The following ANKS1A variants were observed in gnomAD, a reference collection of about 807,000 sequenced individuals.
ANKS1A encodes the protein ankyrin repeat and SAM domain-containing protein 1A.
Under a neutral mutation model 120.3 loss-of-function variants are expected in ANKS1A, and 55 were observed. The observed-to-expected ratio is 0.46, with a 90% CI of 0.37 to 0.57. ANKS1A has a LOEUF of 0.57. Among genes scored for constraint, ANKS1A ranks in the 20% least tolerant of loss-of-function variants. The probability of loss-of-function intolerance (pLI) is 0.00; values close to 1 mark genes in which losing one functional copy is unlikely to be tolerated. For missense variants in ANKS1A, 1,123 were observed against 1,480.3 expected (o/e 0.76, Z 3.96); for synonymous variants, 590 against 604.7 (o/e 0.98, Z 0.36).
chr6:34,911,989 G>C (rs1041663741), intron 1 of ANKS1A, among the ~76,000 whole-genome samples: 1 of 151,936 alleles, frequency 6.6e-6, no homozygotes, highest in Non-Finnish European at 1.5e-5. Flanking sequence ...TAATACTTTC[G>C]CAATAACACA....
At chr6:35,006,622 A>G (rs749513225) in intron 10 of ANKS1A, among the ~76,000 whole-genome samples, 6 of 151,842 alleles carry the variant, frequency 4.0e-5, no homozygotes, top group Non-Finnish European at 8.8e-5. Context: ...GGGCATGGTA[A>G]TGGGCACCTG....
chr6:34,993,413 G>C (rs541294025), intron 9 of ANKS1A, among the ~76,000 whole-genome samples: 1 of 152,332 alleles, frequency 6.6e-6, no homozygotes, highest in South Asian at 2.1e-4. Context: ...GTAGGAGCCA[G>C]CTCTGGTTCC....
At chr6:35,020,743 G>T (rs1373844764) in intron 11 of ANKS1A, among the ~76,000 whole-genome samples, 1 of 152,186 alleles carries the variant, frequency 6.6e-6, no homozygotes, top group African/African-American at 2.4e-5. Flanking sequence ...GGCTGTGTGG[G>T]CTCGTAAGCC....
chr6:34,902,990 A>T (rs1304713811), intron 1 of ANKS1A, among the ~76,000 whole-genome samples: 1 of 152,096 alleles, frequency 6.6e-6, no homozygotes, highest in Non-Finnish European at 1.5e-5. Flanking sequence ...TTCTCATTCA[A>T]TTGGCAGATA....
In ANKS1A at chr6:35,086,094, C is replaced by T. The variant is rs988048555; in HGVS notation, c.3303+158C>T. Among the ~76,000 whole-genome samples the T allele has an allele frequency of 5.9e-5, 9 of 152,128 alleles. No individual in the cohort carries two copies. The highest frequency in any genetic ancestry group is 1.3e-4 in the Non-Finnish European group (9 of 68,022). ...TGTCCCCCAACCCTGCCAGGTCTCG[C>T]CCCTGGAAAGGCAGCAGCTCCTCTG... On this transcript the variant is annotated intron_variant, in intron 22 of 23. Transcript: ENST00000360359. The surrounding 1 kb of genome is among the most constrained non-coding windows in gnomAD (Gnocchi z 5.1).
At chr6:34,994,716 T>C (rs897481867) in intron 10 of ANKS1A, among the ~76,000 whole-genome samples, 1 of 152,184 alleles carries the variant, frequency 6.6e-6, no homozygotes, top group African/African-American at 2.4e-5. Flanking sequence ...AGAGATTGAT[T>C]TGGGGTCTCA....
intron 1 of ANKS1A, among the ~76,000 whole-genome samples, chr6:34,950,556 A>G (rs996719265): frequency 2.0e-5 from 3 of 152,070 alleles, no homozygotes; most frequent in Non-Finnish European, 2.9e-5. Flanking sequence ...GACTATTACA[A>G]TAAGAGAGAG....
chr6:34,962,173 G>C lies in ANKS1A; in HGVS notation c.198-5066G>C, dbSNP rs150794272. Reference sequence around the variant, plus strand: ...GAAAATGAGGTCATTGTACAAATGTGTTAAAGAGATTTAATTGCATTTAGC... The same window carrying C: ...GAAAATGAGGTCATTGTACAAATGTCTTAAAGAGATTTAATTGCATTTAGC... On this transcript the variant is annotated intron_variant, in intron 1 of 23. Transcript: ENST00000360359. 4.0e-3 allele frequency among the ~76,000 whole-genome samples: 603 copies of C among 152,268 alleles called. 1 individual carries two copies. Among genetic ancestry groups the C allele is most frequent in the South Asian group, 0.018 (88 of 4,826 alleles).
chr6:34,984,471 T>C (rs1313706936), intron 7 of ANKS1A, among the ~76,000 whole-genome samples: 1 of 152,194 alleles, frequency 6.6e-6, no homozygotes, highest in Non-Finnish European at 1.5e-5. Context: ...CTTGACCACA[T>C]AATCTGCTAG....
chr6:34,910,645 G>T (rs1767864643), intron 1 of ANKS1A, among the ~76,000 whole-genome samples: 1 of 152,054 alleles, frequency 6.6e-6, no homozygotes, highest in Non-Finnish European at 1.5e-5. Flanking sequence ...CAGATCACCT[G>T]AGGTCAGGAG....
chr6:35,065,660 C>G (rs1350081657), intron 13 of ANKS1A, among the ~76,000 whole-genome samples: 1 of 152,222 alleles, frequency 6.6e-6, no homozygotes, highest in East Asian at 1.9e-4. Flanking sequence ...AGATGCAGCC[C>G]CTGGGGCTCA....
At position 34,889,304 on chromosome 6, in the gene ANKS1A, G is replaced by A; in HGVS notation, c.-99G>A. On this transcript the variant is annotated 5_prime_UTR_variant, in exon 1 of 24. Coordinates refer to ENST00000360359, the MANE Select transcript of ANKS1A (RefSeq NM_015245.3). The surrounding 1 kb of genome is among the most constrained non-coding windows in gnomAD (Gnocchi z 5.5). ...CAGGGAGGGGGTGGTGTCCCCAGCC[G>A]GTTTGGGGGGTGCGTTGCCCGGAGA... 6 of 1,220,884 alleles carry A rather than the reference G, an allele frequency of 4.9e-6. No homozygotes were observed. The highest frequency in any genetic ancestry group is 4.0e-5 in the South Asian group (1 of 24,836). The allele number at this position is 1,220,884 out of a possible 1,614,324, so 75.6% of individuals were successfully genotyped here. A position where few individuals can be genotyped will look rare whatever the true frequency, so the allele number is the denominator to read the frequency against.
At chr6:35,071,041 G>A in intron 13 of ANKS1A, 1 of 451,260 alleles carries the variant, frequency 2.2e-6, no homozygotes, top group South Asian at 2.0e-5. Context: ...CCTTACTTAG[G>A]TTGATTTGCC....
chr6:34,943,108 CA>C (rs2127485458), intron 1 of ANKS1A, among the ~76,000 whole-genome samples: 2 of 152,214 alleles, frequency 1.3e-5, no homozygotes, highest in African/African-American at 4.8e-5. Flanking sequence ...GCTAGGAATA[CA>C]GGTGTGCATC....
At chr6:34,926,385 G>C (rs955058987) in intron 1 of ANKS1A, among the ~76,000 whole-genome samples, 2 of 152,182 alleles carry the variant, frequency 1.3e-5, no homozygotes, top group African/African-American at 2.4e-5. Context: ...ATTCATGCCT[G>C]TGATGGGGTG....
chr6:35,081,124 C>T lies in ANKS1A; in HGVS notation c.2675C>T (p.Ala892Val), dbSNP rs139411236. Reference sequence around the variant, plus strand: ...CGCCATGACAGTCTCCATGACCCTGCGGCACCCTCCCGAGCGGAGCGCTTC... The same window carrying T: ...CGCCATGACAGTCTCCATGACCCTGTGGCACCCTCCCGAGCGGAGCGCTTC... ...RRRHDSLHDP[A>V]APSRAERFRI... is the part of the protein sequence containing the mutation. The change falls in exon 17 of 24, where the codon GCG becomes GTG. Residue 892 changes from alanine to valine, a missense_variant. Transcript: ENST00000360359. 366 of 1,612,770 alleles carry T rather than the reference C, an allele frequency of 2.3e-4. No individual in the cohort carries two copies. Among genetic ancestry groups the T allele is most frequent in the Non-Finnish European group, 2.9e-4 (347 of 1,179,702 alleles).
At chr6:35,077,338 T>C (rs1293469255) in intron 13 of ANKS1A, among the ~76,000 whole-genome samples, 1 of 152,242 alleles carries the variant, frequency 6.6e-6, no homozygotes, top group Non-Finnish European at 1.5e-5. Context: ...AGCATATTCC[T>C]AACCTAGATG....
chr6:35,082,664 A>G lies in ANKS1A; in HGVS notation c.2710-27A>G, dbSNP rs747308835. 6.3e-7 allele frequency: 1 copy of G among 1,594,792 alleles called. No individual in the cohort carries two copies. The highest frequency in any genetic ancestry group is 1.1e-5 in the South Asian group (1 of 88,652). ...CATGTGCTCCTCTGGAGCAAGGAGC[A>G]GGTGTCCAATTGCGTGTGTTTCGCA... On this transcript the variant is annotated intron_variant, in intron 17 of 23. Coordinates refer to ENST00000360359, the MANE Select transcript of ANKS1A (RefSeq NM_015245.3). This position sits in a 1 kb window ranked among gnomAD's most constrained non-coding sequence, Gnocchi z 4.1.
In ANKS1A at chr6:35,017,569, C is replaced by G; in HGVS notation, c.1520C>G (p.Ser507Cys). 1 of 1,614,062 alleles carries G rather than the reference C, an allele frequency of 6.2e-7. No individual in the cohort carries two copies. The highest frequency in any genetic ancestry group is 8.5e-7 in the Non-Finnish European group (1 of 1,179,978). The part of the protein sequence containing the change: ...EQFSGLLHGS[S>C]PVCEVGQDPF... ...TTCTCAGGCCTCCTCCACGGCTCCTCCCCGGTGTGCGAGGTGGGGCAGGAC... is the reference window on the plus strand; with the variant it reads ...TTCTCAGGCCTCCTCCACGGCTCCTGCCCGGTGTGCGAGGTGGGGCAGGAC... The change falls in exon 11 of 24, where the codon TCC (serine) becomes TGC (cysteine). Residue 507 changes from serine (S) to cysteine (C), a missense_variant. By Grantham distance (112) the Ser-to-Cys change is moderately radical (BLOSUM62 -1). Transcript: ENST00000360359.
Sources: allele counts gnomAD v4.1 joint callset (sites outside exome capture counted in the v4.1 genomes callset), GRCh38; gene constraint gnomAD v4.1.1; non-coding constraint Gnocchi (gnomAD v3.1); transcripts MANE v1.5; gene names NCBI Gene and HGNC (gene_info 2026-07-23, HGNC 2026-07-21).